MECOM: variants seen among roughly 807,000 people sequenced by gnomAD.
MECOM encodes the protein MDS1 and EVI1 complex locus.
MECOM carries 13 observed loss-of-function variants against 116.3 expected under a neutral mutation model. The ratio of observed to expected loss-of-function variants is 0.11; its 90% confidence interval spans 0.07 to 0.18. The LOEUF is 0.18. Among genes scored for constraint, MECOM ranks in the 10% least tolerant of loss-of-function variants. The probability of loss-of-function intolerance (pLI) is 1.00; values close to 1 mark genes in which losing one functional copy is unlikely to be tolerated. For missense variants in MECOM, 1,299 were observed against 1,509.0 expected, an observed-to-expected ratio of 0.86 and a Z score of 2.31; for synonymous variants, 528 against 535.2, an observed-to-expected ratio of 0.99 and a Z score of 0.19.
At chr3:169,581,953 C>T (rs899290466) in intron 1 of MECOM, among the ~76,000 whole-genome samples, 2 of 152,188 alleles carry the variant, frequency 1.3e-5, no homozygotes, top group African/African-American at 4.8e-5. Context: ...AAACTTGTCT[C>T]TGTTCACTTT....
rs370860789 is a variant in MECOM at position 169,115,520 on chromosome 3, A to G, written c.2352T>C (p.Ser784=). The G allele has an allele frequency of 9.0e-4, 1,454 of 1,613,902 alleles. 19 individuals are homozygous for G. In the South Asian group the frequency reaches 0.015, roughly 17 times the overall value. Residue 784 remains serine (S), a synonymous_variant, in exon 8 of 17, where the codon AGT becomes AGC. Coordinates refer to ENST00000651503, the MANE Select transcript of MECOM (RefSeq NM_004991.4). The part of the protein sequence containing the change: ...DLSMGSRSRA[S]GTKLTEPRKN... ...TTCGAGGCTCAGTCAGCTTTGTCCC[A>G]CTGGCTCTACTCCTACTGCCCATAC...
At chr3:169,226,358 T>G (rs1752726505) in intron 2 of MECOM, among the ~76,000 whole-genome samples, 1 of 152,222 alleles carries the variant, frequency 6.6e-6, no homozygotes, top group African/African-American at 2.4e-5. Context: ...TTTTTCTAAC[T>G]ATTATAGAGA....
At chr3:169,559,780 C>T (rs1179701056) in intron 1 of MECOM, among the ~76,000 whole-genome samples, 8 of 152,094 alleles carry the variant, frequency 5.3e-5, no homozygotes, top group African/African-American at 1.2e-4. Context: ...TACAGATATA[C>T]GACAGATTAA....
At chr3:169,643,930 A>G (rs1281392508) in intron 1 of MECOM, among the ~76,000 whole-genome samples, 1 of 152,202 alleles carries the variant, frequency 6.6e-6, no homozygotes, top group Admixed American at 6.5e-5. Flanking sequence ...ATAGCAACAA[A>G]TGTATGCAGT....
intron 1 of MECOM, among the ~76,000 whole-genome samples, chr3:169,648,461 C>T (rs1239089854): frequency 2.0e-5 from 3 of 152,226 alleles, no homozygotes; most frequent in East Asian, 3.8e-4. Context: ...GGTCAAACCA[C>T]GGTCTCTGCT....
chr3:169,467,577 T>C (rs1748501163), intron 1 of MECOM, among the ~76,000 whole-genome samples: 1 of 152,178 alleles, frequency 6.6e-6, no homozygotes. Flanking sequence ...GTCCAACTAG[T>C]TAAACTACCA....
chr3:169,572,801 G>A (rs1021084050), intron 1 of MECOM, among the ~76,000 whole-genome samples: 1 of 152,028 alleles, frequency 6.6e-6, no homozygotes, highest in African/African-American at 2.4e-5. Context: ...ACACAGGGAG[G>A]GCAACATCAC....
chr3:169,542,872 G>GCAACTCCAAACCAAATAAACCAC (rs1416514281), intron 1 of MECOM, among the ~76,000 whole-genome samples: 3 of 152,160 alleles, frequency 2.0e-5, no homozygotes, highest in African/African-American at 7.2e-5. Context: ...GAAAGTTGAA[G>GCAACTCCAAACCAAATAAACCAC]CAACTCCAAA....
At chr3:169,349,263 G>C (rs1169800511) in intron 2 of MECOM, among the ~76,000 whole-genome samples, 1 of 151,422 alleles carries the variant, frequency 6.6e-6, no homozygotes, top group Non-Finnish European at 1.5e-5. Context: ...TTTAAACTTG[G>C]CATGTTTCTC....
At chr3:169,144,981 C>A in intron 2 of MECOM, 1 of 1,561,124 alleles carries the variant, frequency 6.4e-7, no homozygotes. Flanking sequence ...ATTGCAGATT[C>A]AAGTCATTAA....
intron 3 of MECOM, among the ~76,000 whole-genome samples, chr3:169,136,534 C>G (rs993856046): frequency 6.6e-6 from 1 of 151,874 alleles, no homozygotes; most frequent in Non-Finnish European, 1.5e-5. Context: ...GGCATAGACA[C>G]TCATAAGCAC....
chr3:169,087,621 A>G (rs773963136), intron 16 of MECOM, among the ~76,000 whole-genome samples: 33 of 152,068 alleles, frequency 2.2e-4, no homozygotes, highest in Non-Finnish European at 4.1e-4. Context: ...AAGTAACAAA[A>G]AACCAAAAAC....
At position 169,327,309 on chromosome 3, in the gene MECOM, GGAT is replaced by G. The variant is rs541543144; in HGVS notation, c.375+53875_375+53877del. Among the ~76,000 whole-genome samples, 16 of 152,236 alleles carry G rather than the reference GGAT, an allele frequency of 1.1e-4. No homozygotes were observed. In the South Asian group the frequency reaches 2.5e-3, roughly 24 times the overall value. On this transcript the variant is annotated intron_variant, in intron 2 of 16. Coordinates refer to ENST00000651503, the MANE Select transcript of MECOM (RefSeq NM_004991.4). ...AAAATTATGTATCTTTTAGCCAAAT[GGAT>G]GATATTTTCTTACAGAAGTTAAAAA...
At chr3:169,318,407 A>G (rs112394206) in intron 2 of MECOM, among the ~76,000 whole-genome samples, 7,372 of 152,282 alleles carry the variant, frequency 0.048, 615 homozygotes, top group African/African-American at 0.17. Context: ...TCTACAAGGA[A>G]CTTAAATTTA....
intron 1 of MECOM, among the ~76,000 whole-genome samples, chr3:169,632,606 C>T (rs763381570): frequency 1.2e-4 from 18 of 152,304 alleles, no homozygotes; most frequent in Admixed American, 5.2e-4. Context: ...TTAAAAATTC[C>T]ATACTCTCCA....
intron 2 of MECOM, among the ~76,000 whole-genome samples, chr3:169,270,202 C>T (rs1428935599): frequency 6.6e-6 from 1 of 152,114 alleles, no homozygotes; most frequent in Non-Finnish European, 1.5e-5. Flanking sequence ...ATAAGTGATA[C>T]ATTTTTAAAT....
At position 169,663,528 on chromosome 3, in the gene MECOM, C is replaced by CG; in HGVS notation, c.-157_-156insC. On this transcript the variant is annotated 5_prime_UTR_variant, in exon 1 of 17. Coordinates refer to ENST00000651503, the MANE Select transcript of MECOM (RefSeq NM_004991.4). ...TCTCTCTCTCTCTCTCTCTCTCTCT[C>CG]TCCCTCCCTCCTGTTTCTCTCCTGT... 1.6e-6 allele frequency: 1 copy of CG among 611,666 alleles called. No homozygotes were observed. 37.9% of individuals were successfully genotyped at this position (611,666 alleles called of 1,614,324 possible).
chr3:169,636,217 C>T (rs1028548712), intron 1 of MECOM, among the ~76,000 whole-genome samples: 3 of 152,120 alleles, frequency 2.0e-5, no homozygotes. Flanking sequence ...GTCTAACTCA[C>T]CCTGCCAATT....
Position 169,485,924 on chromosome 3 carries a change from G to GTATATATGTATATATATACTATATATGTA in MECOM, c.38-104401_38-104400insTACATATATAGTATATATATACATATATA, listed in dbSNP as rs1226430657. ...TATAGTATATATGTATGTATATATA[G>GTATATATGTATATATATACTATATATGTA]TATATATAGTATATATGTATGTATA... On this transcript the variant is annotated intron_variant, in intron 1 of 16. Transcript: ENST00000651503. Among the ~76,000 whole-genome samples, 5 of 107,478 alleles carry GTATATATGTATATATATACTATATATGTA rather than the reference G, an allele frequency of 4.7e-5. No individual in the cohort carries two copies. The East Asian group carries it at 1.2e-3, about 26-fold the overall frequency. The allele number at this position is 107,478 out of a possible 152,430, so 70.5% of individuals were successfully genotyped here. A position where few individuals can be genotyped will look rare whatever the true frequency, so the allele number is the denominator to read the frequency against.
Sources: gnomAD v4.1 joint callset for allele counts (sites outside exome capture counted in the v4.1 genomes callset) on GRCh38, gnomAD v4.1.1 for gene constraint, MANE v1.5 for transcripts, NCBI Gene and HGNC (gene_info 2026-07-23, HGNC 2026-07-21) for gene names.